Variants in PCDHA6 observed in about 807,000 individuals in gnomAD.
The protein encoded by PCDHA6 is protocadherin alpha-6.
A neutral mutation model predicts 60.3 loss-of-function variants in PCDHA6; 55 were observed. The observed-to-expected ratio is 0.91, with a 90% CI of 0.73 to 1.14. The LOEUF (loss-of-function observed/expected upper bound fraction) is 1.14, where lower values mean the gene tolerates loss of function less well. Among genes scored for constraint, PCDHA6 ranks in the 50% most tolerant of loss-of-function variants. PCDHA6 has a pLI of 0.00. For synonymous variants in PCDHA6, 652 were observed against 557.9 expected, an observed-to-expected ratio of 1.17 and a Z score of -2.38; for missense variants, 1,327 against 1,256.5, an observed-to-expected ratio of 1.06 and a Z score of -0.85.
rs1415621431 is a variant in PCDHA6, at chr5:140,835,028, C to T, written c.2394+4543C>T. On this transcript the variant is annotated intron_variant, in intron 1 of 3. Transcript: ENST00000529310. The stretch of plus-strand genomic sequence containing the variant: ...AGCTTCATTTATTGCTCACGGCCAC[C>T]GATGGAGGCAAACCCGAGCTGACTG... 1.7e-5 allele frequency: 22 copies of T among 1,326,496 alleles called. No individual in the cohort carries two copies. The African/African-American group carries it at 3.2e-4, about 19-fold the overall frequency. The allele number at this position is 1,326,496 out of a possible 1,614,324, so 82.2% of individuals were successfully genotyped here.
chr5:140,852,582 A>AT (rs2150518947), intron 1 of PCDHA6: 69,093 of 668,182 alleles, frequency 0.1, 1,214 homozygotes, highest in Non-Finnish European at 0.11. Flanking sequence ...AGGCTTTTTT[A>AT]TTTTTTTTTT....
At chr5:140,916,463 G>A (rs934007072) in intron 1 of PCDHA6, among the ~76,000 whole-genome samples, 2 of 152,212 alleles carry the variant, frequency 1.3e-5, no homozygotes, top group African/African-American at 2.4e-5. Flanking sequence ...TATCACTGCT[G>A]GTTATTTGGT....
chr5:140,954,316 C>T (rs1406547197), intron 1 of PCDHA6, among the ~76,000 whole-genome samples: 6 of 152,140 alleles, frequency 3.9e-5, no homozygotes, highest in South Asian at 4.1e-4. Context: ...GGGATTGCTG[C>T]GTCAAATGGT....
At chr5:140,969,057 T>G in intron 1 of PCDHA6, 2 of 1,614,162 alleles carry the variant, frequency 1.2e-6, no homozygotes, top group Non-Finnish European at 1.7e-6. Context: ...AACAACAATA[T>G]TGATGCCAGG....
chr5:140,976,990 A>G (rs1162326000), intron 1 of PCDHA6, among the ~76,000 whole-genome samples: 1 of 152,228 alleles, frequency 6.6e-6, no homozygotes. Flanking sequence ...TCTTACTGCC[A>G]TAAGAAATCT....
intron 1 of PCDHA6, among the ~76,000 whole-genome samples, chr5:140,901,967 T>C (rs2069024315): frequency 6.6e-6 from 1 of 152,134 alleles, no homozygotes; most frequent in East Asian, 1.9e-4. Flanking sequence ...CTATCGTAAA[T>C]GGGATTACTT....
chr5:140,849,625 T>A, intron 1 of PCDHA6: 1 of 1,598,718 alleles, frequency 6.3e-7, no homozygotes, highest in Non-Finnish European at 8.6e-7. Flanking sequence ...GTGATCGACC[T>A]AGACGCAGAT....
rs2150355650 is a variant in PCDHA6 at position 140,843,239 on chromosome 5, G to A, written c.2394+12754G>A. 1.4e-4 allele frequency: 219 copies of A among 1,595,896 alleles called. 23 individuals carry two copies. Among genetic ancestry groups the A allele is most frequent in the Non-Finnish European group, 1.8e-4 (209 of 1,165,556 alleles). On this transcript the variant is annotated intron_variant, in intron 1 of 3. Coordinates refer to ENST00000529310, the MANE Select transcript of PCDHA6 (RefSeq NM_018909.4). ...CAGCACCACTCGTGTCCTGGACGAA[G>A]CGGACTCTCCGCGCCACCGTCTGCT... is the stretch of plus-strand genomic sequence containing the variant.
chr5:140,856,721 G>A (rs1043107454), intron 1 of PCDHA6: 7 of 1,596,646 alleles, frequency 4.4e-6, no homozygotes, highest in South Asian at 1.1e-5. Context: ...TACCGGATCT[G>A]TTTCTCTGCT....
chr5:140,860,223 A>G (rs2046279598), intron 1 of PCDHA6: 1 of 150,246 alleles, frequency 6.7e-6, no homozygotes, highest in African/African-American at 2.4e-5. Context: ...TTATGTATAT[A>G]TAAGCCAGGC....
chr5:140,973,388 G>T (rs1192097180), intron 1 of PCDHA6, among the ~76,000 whole-genome samples: 4 of 152,202 alleles, frequency 2.6e-5, no homozygotes, highest in South Asian at 4.1e-4. Flanking sequence ...AATAGACAAA[G>T]AAATCATATC....
chr5:140,884,012 C>T, intron 1 of PCDHA6: 1 of 1,613,134 alleles, frequency 6.2e-7, no homozygotes, highest in Non-Finnish European at 8.5e-7. Context: ...CGAGCTGATG[C>T]CGCGGTCGGT....
At chr5:140,843,559 G>A in intron 1 of PCDHA6, 1 of 1,595,950 alleles carries the variant, frequency 6.3e-7, no homozygotes, top group Non-Finnish European at 8.6e-7. Flanking sequence ...GTGCGGTGGG[G>A]AGCTGGTCAT....
chr5:140,973,929 T>C (rs2096608226), intron 1 of PCDHA6, among the ~76,000 whole-genome samples: 1 of 152,216 alleles, frequency 6.6e-6, no homozygotes, highest in Non-Finnish European at 1.5e-5. Flanking sequence ...AACCCAGAGG[T>C]TTAGCTGAAT....
chr5:140,920,429 C>T (rs2079631906), intron 1 of PCDHA6, among the ~76,000 whole-genome samples: 1 of 152,136 alleles, frequency 6.6e-6, no homozygotes. Flanking sequence ...TTCTCCCACA[C>T]ACCTCTTTTA....
intron 1 of PCDHA6, among the ~76,000 whole-genome samples, chr5:140,886,331 G>A (rs910332577): frequency 6.6e-6 from 1 of 151,936 alleles, no homozygotes; most frequent in Admixed American, 6.6e-5. Flanking sequence ...TGGGATACAT[G>A]TGCAGAACGT....
chr5:140,987,579 G>A (rs1587244490), intron 3 of PCDHA6, among the ~76,000 whole-genome samples: 1 of 152,280 alleles, frequency 6.6e-6, no homozygotes, highest in East Asian at 1.9e-4. Flanking sequence ...TCTATAAAAT[G>A]GGGAGAATAG....
intron 3 of PCDHA6, among the ~76,000 whole-genome samples, chr5:140,989,557 G>A (rs933151682): frequency 6.6e-6 from 1 of 152,166 alleles, no homozygotes; most frequent in Non-Finnish European, 1.5e-5. Context: ...TTTACGTTTT[G>A]TGGCTCCGGC....
intron 1 of PCDHA6, among the ~76,000 whole-genome samples, chr5:140,949,849 G>A (rs1381006146): frequency 5.9e-5 from 9 of 151,472 alleles, no homozygotes; most frequent in Admixed American, 2.0e-4. Flanking sequence ...TTCTGTTTCC[G>A]CTTATCTGTT....
Sources: allele counts gnomAD v4.1 joint callset (sites outside exome capture counted in the v4.1 genomes callset), GRCh38; gene constraint gnomAD v4.1.1; transcripts MANE v1.5; gene names NCBI Gene and HGNC (gene_info 2026-07-23, HGNC 2026-07-21).